The following COBL variants were observed in gnomAD, a reference collection of about 807,000 sequenced individuals.
The protein encoded by COBL is cordon-bleu WH2 repeat protein.
In COBL, 51 loss-of-function variants were observed where a neutral mutation model predicts 98.8. The observed-to-expected ratio is 0.52, with a 90% CI of 0.41 to 0.65. The LOEUF (loss-of-function observed/expected upper bound fraction) is 0.65, where lower values mean the gene tolerates loss of function less well. COBL is among the 30% of genes least tolerant of loss of function. The pLI is 0.00. For missense variants in COBL, 1,617 were observed against 1,617.5 expected (o/e 1.00, Z 0.01); for synonymous variants, 634 against 651.7 (o/e 0.97, Z 0.41).
At chr7:51,098,827 T>C (rs770202835) in intron 6 of COBL, among the ~76,000 whole-genome samples, 4 of 152,088 alleles carry the variant, frequency 2.6e-5, no homozygotes, top group Non-Finnish European at 4.4e-5. Flanking sequence ...AGGGAACCTA[T>C]AGAATGAGAG....
At chr7:51,102,237 C>A (rs551794546) in intron 6 of COBL, among the ~76,000 whole-genome samples, 3 of 152,086 alleles carry the variant, frequency 2.0e-5, no homozygotes, top group African/African-American at 7.2e-5. Context: ...AAATGCCTCC[C>A]GTCTGGCATA....
chr7:51,307,632 A>G (rs1016582930), intron 1 of COBL, among the ~76,000 whole-genome samples: 2 of 152,224 alleles, frequency 1.3e-5, no homozygotes, highest in Non-Finnish European at 2.9e-5. Context: ...GACAAATAAT[A>G]AGGAAATATT....
chr7:51,298,551 A>T (rs1801625598), intron 1 of COBL, among the ~76,000 whole-genome samples: 1 of 152,236 alleles, frequency 6.6e-6, no homozygotes, highest in Admixed American at 6.5e-5. Context: ...AGCAGATGTG[A>T]GCAAGGCAGG....
intron 1 of COBL, chr7:51,259,696 G>A: frequency 4.1e-6 from 3 of 738,902 alleles, no homozygotes; most frequent in Non-Finnish European, 2.5e-6. Flanking sequence ...TCTTGACCTT[G>A]GCTCATCCAC....
intron 1 of COBL, among the ~76,000 whole-genome samples, chr7:51,236,520 C>T (rs1470351430): frequency 6.6e-6 from 1 of 152,160 alleles, no homozygotes; most frequent in Admixed American, 6.5e-5. Context: ...TGAAGCAGCT[C>T]ATGACTGGAA....
chr7:51,056,812 A>AACACACACACACACACAC (rs3047115), intron 7 of COBL, among the ~76,000 whole-genome samples: 8 of 143,680 alleles, frequency 5.6e-5, no homozygotes, highest in East Asian at 4.1e-4. Context: ...GTGCTCTCCC[A>AACACACACACACACACAC]ACACACACAC....
intron 7 of COBL, chr7:51,073,418 C>T (rs775699172): frequency 5.8e-5 from 38 of 659,718 alleles, no homozygotes; most frequent in Middle Eastern, 4.8e-4. Context: ...AAAATGTGAA[C>T]GCACACTTGC....
At chr7:51,051,985 G>T (rs1790290052) in intron 7 of COBL, among the ~76,000 whole-genome samples, 1 of 152,168 alleles carries the variant, frequency 6.6e-6, no homozygotes, top group South Asian at 2.1e-4. Context: ...TTTAAGAGTA[G>T]TCTAAAGTAT....
chr7:51,248,439 A>T (rs911138957), intron 1 of COBL, among the ~76,000 whole-genome samples: 5 of 152,132 alleles, frequency 3.3e-5, no homozygotes, highest in Non-Finnish European at 7.4e-5. Context: ...CAGGAACCAC[A>T]GCCAGCCCCC....
rs1407630193 is a variant in COBL, at chr7:51,028,125, G to T, written c.2971C>A (p.Gln991Lys). Residue 991 changes from glutamine (Q) to lysine (K), a missense_variant, in exon 10 of 13, where the codon CAG (glutamine) becomes AAG (lysine). Coordinates refer to ENST00000265136, the MANE Select transcript of COBL (RefSeq NM_015198.5). ...TGCTTTCCACTGAAACCACAGCTCT[G>T]TCCCACAGAAACACGATCCCTCTGG... ...SSQRDRVSVG[Q>K]SCGFSGKQST... The T allele has an allele frequency of 2.1e-5, 34 of 1,614,088 alleles. No individual in the cohort carries two copies. Among genetic ancestry groups the T allele is most frequent in the African/African-American group, 2.7e-5 (2 of 74,938 alleles).
rs189652589 is a variant in COBL at position 51,230,665 on chromosome 7, G to T, written c.42-10721C>A. On this transcript the variant is annotated intron_variant, in intron 1 of 12. Coordinates refer to ENST00000265136, the MANE Select transcript of COBL (RefSeq NM_015198.5). Reference sequence around the variant, plus strand: ...CTGAAGATGAATATTCCTCAAGGACGGCTCCATCTGGCCATTCTTCCTAAT... The same window carrying T: ...CTGAAGATGAATATTCCTCAAGGACTGCTCCATCTGGCCATTCTTCCTAAT... 4.6e-4 allele frequency among the ~76,000 whole-genome samples: 70 copies of T among 152,296 alleles called. 2 individuals carry two copies. The highest frequency in any genetic ancestry group is 3.3e-3 in the Admixed American group (51 of 15,306).
intron 6 of COBL, among the ~76,000 whole-genome samples, chr7:51,088,599 A>G (rs6593325): frequency 0.39 from 58,638 of 152,002 alleles, 11,831 homozygotes; most frequent in African/African-American, 0.51. Flanking sequence ...TTCCTCCAGC[A>G]TCCTTTCTGC....
At chr7:51,090,033 C>A (rs1794665008) in intron 6 of COBL, among the ~76,000 whole-genome samples, 1 of 152,156 alleles carries the variant, frequency 6.6e-6, no homozygotes, top group Admixed American at 6.5e-5. Context: ...GTAATTTTAT[C>A]TTTTCCTCAC....
chr7:51,110,389 C>G (rs1364820521), intron 6 of COBL, among the ~76,000 whole-genome samples: 4 of 152,168 alleles, frequency 2.6e-5, no homozygotes, highest in Non-Finnish European at 5.9e-5. Flanking sequence ...GTTTATTTCA[C>G]TTAATATAAT....
intron 7 of COBL, among the ~76,000 whole-genome samples, chr7:51,052,404 A>G (rs10257496): frequency 0.055 from 8,305 of 152,256 alleles, 617 homozygotes; most frequent in African/African-American, 0.17. Context: ...TCCATGTTCT[A>G]TGGAACAAAT....
intron 7 of COBL, among the ~76,000 whole-genome samples, chr7:51,082,473 T>G (rs560896426): frequency 3.3e-4 from 50 of 152,322 alleles, no homozygotes; most frequent in African/African-American, 1.2e-3. Flanking sequence ...GAGCCCCATC[T>G]CAAACAGGGT....
chr7:51,156,603 C>A (rs1786156858), intron 5 of COBL: 1 of 984,682 alleles, frequency 1.0e-6, no homozygotes, highest in Non-Finnish European at 1.2e-6. Context: ...CTTCTCACCC[C>A]ACATGGAGGG....
chr7:51,214,704 T>C (rs1176134805), intron 2 of COBL, among the ~76,000 whole-genome samples: 1 of 152,216 alleles, frequency 6.6e-6, no homozygotes, highest in Non-Finnish European at 1.5e-5. Context: ...AATCATCTGT[T>C]AGTGTTGGGC....
Position 51,027,940 on chromosome 7 carries a change from A to C in COBL, c.3156T>G (p.Pro1052=), listed in dbSNP as rs779159023. The change falls in exon 10 of 13, where the codon CCT becomes CCG. Residue 1052 remains proline (P), a synonymous_variant. Transcript: ENST00000265136. ...GGCTTTCTGTGCCAGACCCTCCTGG[A>C]GGGTGGGAAGGCTCGCCGTGGCCTG... ...RAPGHGEPSH[P]PGGSGTESHI... 6.1e-5 allele frequency: 99 copies of C among 1,612,762 alleles called. No individual in the cohort carries two copies. Among genetic ancestry groups the C allele is most frequent in the Non-Finnish European group, 6.9e-5 (81 of 1,179,334 alleles).
Sources: gnomAD v4.1 joint callset for allele counts (sites outside exome capture counted in the v4.1 genomes callset) on GRCh38, gnomAD v4.1.1 for gene constraint, MANE v1.5 for transcripts, NCBI Gene and HGNC (gene_info 2026-07-23, HGNC 2026-07-21) for gene names.